The following ATXN7L1 variants were observed in gnomAD, a reference collection of about 807,000 sequenced individuals.
ATXN7L1 encodes the protein ataxin-7-like protein 1.
A neutral mutation model predicts 70.8 loss-of-function variants in ATXN7L1; 15 were observed. The ratio of observed to expected loss-of-function variants is 0.21; its 90% confidence interval spans 0.14 to 0.33. The LOEUF is 0.33. Among genes scored for constraint, ATXN7L1 ranks in the 10% least tolerant of loss-of-function variants. ATXN7L1 has a pLI of 1.00. For synonymous variants in ATXN7L1, 440 were observed against 445.1 expected (o/e 0.99, Z 0.14); for missense variants, 975 against 1,097.1 (o/e 0.89, Z 1.57).
At chr7:105,685,165 A>C (rs1335204702) in intron 3 of ATXN7L1, among the ~76,000 whole-genome samples, 1 of 152,082 alleles carries the variant, frequency 6.6e-6, no homozygotes, top group East Asian at 1.9e-4. Context: ...TAATCTATAG[A>C]AGGAGCACTG....
In ATXN7L1 at chr7:105,839,540, C is replaced by T. The variant is rs543714903; in HGVS notation, c.250+36272G>A. Among the ~76,000 whole-genome samples, 3 of 152,324 alleles carry T rather than the reference C, an allele frequency of 2.0e-5. No individual in the cohort carries two copies. In the South Asian group the frequency reaches 6.2e-4, roughly 32 times the overall value. The stretch of plus-strand genomic sequence containing the variant: ...TCCATCTGGGGTGTCTGAATGGCAG[C>T]TGTTACAGTTAGAGCACAAGGTGAG... On this transcript the variant is annotated intron_variant, in intron 2 of 11. Coordinates refer to ENST00000419735, the MANE Select transcript of ATXN7L1 (RefSeq NM_020725.2).
At chr7:105,753,023 A>G (rs1055494714) in intron 3 of ATXN7L1, among the ~76,000 whole-genome samples, 8 of 152,246 alleles carry the variant, frequency 5.3e-5, no homozygotes, top group Non-Finnish European at 8.8e-5. Context: ...TGTGACACAG[A>G]CTAATTAAAT....
rs898462871 is a variant in ATXN7L1, at chr7:105,808,214, G to A, written c.251-19506C>T. Among the ~76,000 whole-genome samples the A allele has an allele frequency of 2.0e-5, 3 of 152,334 alleles. No homozygotes were observed. In the East Asian group the frequency reaches 5.8e-4, roughly 29 times the overall value. ...CTTAGGGACAAGGTGACAGTGGCAT[G>A]CTTTTGCCATTTGTCCCCAGCCAAG... is the stretch of plus-strand genomic sequence containing the variant. On this transcript the variant is annotated intron_variant, in intron 2 of 11. Coordinates refer to ENST00000419735, the MANE Select transcript of ATXN7L1 (RefSeq NM_020725.2).
intron 3 of ATXN7L1, among the ~76,000 whole-genome samples, chr7:105,707,286 G>A (rs2116256553): frequency 6.6e-6 from 1 of 152,310 alleles, no homozygotes. Context: ...TGAGCCAGTT[G>A]GACCAAGGCT....
At chr7:105,756,263 CTG>C (rs10618280) in intron 3 of ATXN7L1, among the ~76,000 whole-genome samples, 19,399 of 152,076 alleles carry the variant, frequency 0.13, 1,546 homozygotes, top group East Asian at 0.39. Context: ...TAAAAAAACT[CTG>C]TTTGCCAGCC....
rs906378892 is a variant in ATXN7L1, at chr7:105,613,886, G to A, written c.2448C>T (p.Pro816=). ...CCTGCCGAGAGGAGGTGCTGTTAACGGGATCGGGCACCGGTGCGAGAAGGC... is the reference window on the plus strand; with the variant it reads ...CCTGCCGAGAGGAGGTGCTGTTAACAGGATCGGGCACCGGTGCGAGAAGGC... The part of the protein sequence containing the change: ...PPSLLAPVPD[P]VNSTSSRQVG... The change falls in exon 10 of 12, where the codon CCC becomes CCT. Residue 816 remains proline, a synonymous_variant. Coordinates refer to ENST00000419735, the MANE Select transcript of ATXN7L1 (RefSeq NM_020725.2). 30 of 1,551,892 alleles carry A rather than the reference G, an allele frequency of 1.9e-5. No individual in the cohort carries two copies. The highest frequency in any genetic ancestry group is 5.9e-5 in the South Asian group (5 of 84,066).
At chr7:105,697,975 C>T (rs1224460218) in intron 3 of ATXN7L1, among the ~76,000 whole-genome samples, 1 of 152,150 alleles carries the variant, frequency 6.6e-6, no homozygotes, top group Non-Finnish European at 1.5e-5. Context: ...CGAGCACTGT[C>T]TTTATACATG....
At chr7:105,790,003 T>C (rs951693486) in intron 2 of ATXN7L1, among the ~76,000 whole-genome samples, 1 of 152,104 alleles carries the variant, frequency 6.6e-6, no homozygotes, top group Non-Finnish European at 1.5e-5. Context: ...CGGTCTACAG[T>C]GTGGATAAAC....
Position 105,616,835 on chromosome 7 carries a change from T to C in ATXN7L1, c.1518-2019A>G, listed in dbSNP as rs60977506. Reference sequence around the variant, plus strand: ...GGAACCTCCCAACTTTCCTGCTGCTTTTGTTGCCTTGCTGTGGTACTATAG... The same window carrying C: ...GGAACCTCCCAACTTTCCTGCTGCTCTTGTTGCCTTGCTGTGGTACTATAG... On this transcript the variant is annotated intron_variant, in intron 9 of 11. Coordinates refer to ENST00000419735, the MANE Select transcript of ATXN7L1 (RefSeq NM_020725.2). Among the ~76,000 whole-genome samples the C allele has an allele frequency of 5.9e-3, 897 of 152,316 alleles. 11 individuals are homozygous for C. Among genetic ancestry groups the C allele is most frequent in the African/African-American group, 0.021 (856 of 41,556 alleles).
chr7:105,661,259 G>T (rs76276209), intron 4 of ATXN7L1, among the ~76,000 whole-genome samples: 4,274 of 152,288 alleles, frequency 0.028, 106 homozygotes, highest in East Asian at 0.066. Flanking sequence ...TATTACAATA[G>T]GTGCTCATTA....
chr7:105,838,991 G>T (rs899086596), intron 2 of ATXN7L1, among the ~76,000 whole-genome samples: 7 of 152,188 alleles, frequency 4.6e-5, no homozygotes, highest in Non-Finnish European at 8.8e-5. Flanking sequence ...CATTCCTCAG[G>T]TTAGGCAGAA....
At chr7:105,790,220 G>T (rs1227310325) in intron 2 of ATXN7L1, among the ~76,000 whole-genome samples, 2 of 152,204 alleles carry the variant, frequency 1.3e-5, no homozygotes, top group Admixed American at 1.3e-4. Context: ...AATGTTCTAA[G>T]ATCGATAGTG....
intron 7 of ATXN7L1, among the ~76,000 whole-genome samples, chr7:105,632,983 C>T (rs1796830440): frequency 6.9e-6 from 1 of 145,634 alleles, no homozygotes; most frequent in Non-Finnish European, 1.5e-5. Flanking sequence ...CTTTCAGAGT[C>T]CCCAGTCTTC....
chr7:105,742,403 ATG>A (rs1798113477), intron 3 of ATXN7L1, among the ~76,000 whole-genome samples: 1 of 152,178 alleles, frequency 6.6e-6, no homozygotes, highest in Non-Finnish European at 1.5e-5. Flanking sequence ...AGCTTAACAT[ATG>A]TGAGGCATTT....
intron 3 of ATXN7L1, among the ~76,000 whole-genome samples, chr7:105,713,602 T>C (rs1191158391): frequency 6.6e-6 from 1 of 152,180 alleles, no homozygotes; most frequent in Non-Finnish European, 1.5e-5. Flanking sequence ...CTGAGGCCCT[T>C]AAACTATAGC....
At chr7:105,647,969 G>A (rs1165464454) in intron 4 of ATXN7L1, among the ~76,000 whole-genome samples, 1 of 152,186 alleles carries the variant, frequency 6.6e-6, no homozygotes, top group Admixed American at 6.5e-5. Context: ...TCAGCTGGAT[G>A]CGAAATTGGA....
At chr7:105,686,013 T>G (rs1039003556) in intron 3 of ATXN7L1, among the ~76,000 whole-genome samples, 1 of 152,130 alleles carries the variant, frequency 6.6e-6, no homozygotes, top group African/African-American at 2.4e-5. Flanking sequence ...AACACATGCC[T>G]CTGAGAAGAG....
At position 105,665,255 on chromosome 7, in the gene ATXN7L1, G is replaced by C; in HGVS notation, c.389C>G (p.Pro130Arg). Reference sequence around the variant, plus strand: ...ATTGGAGGCTGGAGACACTGGAGAGGGAGAAGGTCTACACATTGAACCGTG... The same window carrying C: ...ATTGGAGGCTGGAGACACTGGAGAGCGAGAAGGTCTACACATTGAACCGTG... ...RRHGSMCRPS[P>R]SPVSPASNPR... The change falls in exon 4 of 12, where the codon CCC becomes CGC. Residue 130 changes from proline to arginine, a missense_variant. Physicochemically the swap from Pro to Arg is moderately radical, Grantham distance 103 (BLOSUM62 -2). Transcript: ENST00000419735. The C allele has an allele frequency of 6.4e-7, 1 of 1,551,544 alleles. No individual in the cohort carries two copies. Among genetic ancestry groups the C allele is most frequent in the East Asian group, 2.4e-5 (1 of 40,910 alleles).
At position 105,876,579 on chromosome 7, in the gene ATXN7L1, G is replaced by C. The variant is rs200970750; in HGVS notation, c.-21C>G. 1.1e-3 allele frequency: 1,454 copies of C among 1,373,146 alleles called. 5 individuals are homozygous for C. The highest frequency in any genetic ancestry group is 2.4e-3 in the Admixed American group (123 of 51,818). 85.1% of individuals were successfully genotyped at this position (1,373,146 alleles called of 1,614,324 possible). On this transcript the variant is annotated 5_prime_UTR_variant, in exon 1 of 12. Coordinates refer to ENST00000419735, the MANE Select transcript of ATXN7L1 (RefSeq NM_020725.2). Reference sequence around the variant, plus strand: ...GTCATCTTCGGAACGTTCCGACATTGAGTGTTCTGAAAGGGGGAGGGAGGG... The same window carrying C: ...GTCATCTTCGGAACGTTCCGACATTCAGTGTTCTGAAAGGGGGAGGGAGGG...
Sources: allele counts gnomAD v4.1 joint callset (sites outside exome capture counted in the v4.1 genomes callset), GRCh38; gene constraint gnomAD v4.1.1; transcripts MANE v1.5; gene names NCBI Gene and HGNC (gene_info 2026-07-23, HGNC 2026-07-21).